Variants in CYP2B6 observed in about 807,000 individuals in gnomAD.
CYP2B6 encodes the protein cytochrome P450 2B6.
Under a neutral mutation model 43.4 loss-of-function variants are expected in CYP2B6, and 35 were observed. The ratio of observed to expected loss-of-function variants is 0.81; its 90% CI spans 0.62 to 1.07. The LOEUF is 1.07. Among genes scored for constraint, CYP2B6 ranks in the 50% least tolerant of loss-of-function variants. The pLI is 0.00. For missense variants in CYP2B6, 624 were observed against 632.8 expected (o/e 0.99, Z 0.15); for synonymous variants, 239 against 239.2 (o/e 1.00, Z 0.01).
chr19:41,000,063 C>G (rs780543125), intron 1 of CYP2B6, among the ~76,000 whole-genome samples: 2 of 152,012 alleles, frequency 1.3e-5, no homozygotes, highest in Non-Finnish European at 2.9e-5. Context: ...TTGTTTTTGT[C>G]GTTGTTATTG....
chr19:41,001,064 C>A lies in CYP2B6; in HGVS notation c.172-2937C>A, dbSNP rs182575435. Among the ~76,000 whole-genome samples the A allele has an allele frequency of 5.3e-5, 8 of 151,900 alleles. No homozygotes were observed. The South Asian group carries it at 8.3e-4, about 16-fold the overall frequency. ...CAAAAAAAACCCAAACAGAAACAAACAAACAAACAAAATTAGTGATAGTGA... is the reference window on the plus strand; with the variant it reads ...CAAAAAAAACCCAAACAGAAACAAAAAAACAAACAAAATTAGTGATAGTGA... On this transcript the variant is annotated intron_variant, in intron 1 of 8. Transcript: ENST00000324071.
At chr19:41,008,357 G>A (rs1293055508) in intron 4 of CYP2B6, among the ~76,000 whole-genome samples, 1 of 144,026 alleles carries the variant, frequency 6.9e-6, no homozygotes, top group Non-Finnish European at 1.5e-5. Context: ...GACTATAGGC[G>A]AGCGCCACCA....
chr19:40,997,657 T>C (rs886627612), intron 1 of CYP2B6, among the ~76,000 whole-genome samples: 19 of 152,166 alleles, frequency 1.2e-4, no homozygotes, highest in Non-Finnish European at 1.5e-5. Context: ...GGTTATCAGT[T>C]AGACACTGTC....
intron 1 of CYP2B6, among the ~76,000 whole-genome samples, chr19:40,997,192 G>A (rs1261474890): frequency 2.2e-4 from 33 of 152,174 alleles, no homozygotes; most frequent in African/African-American, 6.0e-4. Flanking sequence ...GAGAGCAGGA[G>A]AGGAGTGTGG....
rs530919723 is a variant in CYP2B6, at chr19:41,005,906, C to G, written c.485-999C>G. Among the ~76,000 whole-genome samples the G allele has an allele frequency of 6.8e-4, 103 of 152,112 alleles. 1 individual carries two copies. Among genetic ancestry groups the G allele is most frequent in the African/African-American group, 2.4e-3 (98 of 41,482 alleles). On this transcript the variant is annotated intron_variant, in intron 3 of 8. Coordinates refer to ENST00000324071, the MANE Select transcript of CYP2B6 (RefSeq NM_000767.5). The stretch of plus-strand genomic sequence containing the variant: ...AGAGAAAATTAGAGAGACAGACAGA[C>G]AAAGCTTAGGAAAAGGTCTGCAGAG...
chr19:40,999,938 C>T (rs1466306770), intron 1 of CYP2B6, among the ~76,000 whole-genome samples: 2 of 152,146 alleles, frequency 1.3e-5, no homozygotes, highest in East Asian at 1.9e-4. Flanking sequence ...AAGCAATCCT[C>T]CTGCCTCAAC....
At chr19:40,992,323 T>G (rs1446932374) in intron 1 of CYP2B6, among the ~76,000 whole-genome samples, 1 of 152,100 alleles carries the variant, frequency 6.6e-6, no homozygotes, top group African/African-American at 2.4e-5. Context: ...GCCTCAAAAT[T>G]TTGAGATTGA....
chr19:41,005,315 T>C (rs1969160221), intron 3 of CYP2B6, among the ~76,000 whole-genome samples: 1 of 152,094 alleles, frequency 6.6e-6, no homozygotes, highest in African/African-American at 2.4e-5. Flanking sequence ...GCCAGGTGTT[T>C]ACCATCTCTC....
chr19:41,007,253 G>T, intron 4 of CYP2B6, 188 bp downstream of exon 4: 1 of 619,624 alleles, frequency 1.6e-6, no homozygotes, highest in African/African-American at 1.8e-5. Flanking sequence ...TAGAGACACT[G>T]AGAGAGAGAA....
intron 1 of CYP2B6, among the ~76,000 whole-genome samples, chr19:41,002,782 C>G (rs1253833697): frequency 1.3e-5 from 2 of 152,004 alleles, no homozygotes; most frequent in East Asian, 3.9e-4. Flanking sequence ...CTCCTGACCT[C>G]GTGATCAGCC....
Position 41,012,820 on chromosome 19 carries a change from G to A in CYP2B6, c.1294+5G>A. On this transcript the variant is annotated splice_donor_5th_base_variant and intron_variant, in intron 8 of 8. Coordinates refer to ENST00000324071, the MANE Select transcript of CYP2B6 (RefSeq NM_000767.5). The stretch of plus-strand genomic sequence containing the variant: ...CTTTTATCCCCTTCTCCTTAGGTAA[G>A]CTGGACCCACAATTTCTTTCCCAGA... The A allele has an allele frequency of 6.2e-7, 1 of 1,614,100 alleles. No homozygotes were observed. The highest frequency in any genetic ancestry group is 8.5e-7 in the Non-Finnish European group (1 of 1,180,038).
intron 8 of CYP2B6, among the ~76,000 whole-genome samples, chr19:41,016,158 G>C (rs983029644): frequency 2.0e-5 from 3 of 152,084 alleles, no homozygotes; most frequent in African/African-American, 7.2e-5. Flanking sequence ...CACTTTGGGA[G>C]GCCAAGGCAG....
chr19:41,007,028 A>C lies in CYP2B6; in HGVS notation c.608A>C (p.Tyr203Ser), dbSNP rs1245368552. The C allele has an allele frequency of 1.2e-6, 2 of 1,614,090 alleles. No homozygotes were observed. Among genetic ancestry groups the C allele is most frequent in the Non-Finnish European group, 1.7e-6 (2 of 1,180,006 alleles). The stretch of plus-strand genomic sequence containing the variant: ...TTCCTGAAGATGCTGAACTTGTTCT[A>C]CCAGACTTTTTCACTCATCAGCTCT... ...QEFLKMLNLF[Y>S]QTFSLISSVF... Residue 203 changes from tyrosine (Y) to serine (S), a missense_variant, in exon 4 of 9, where the codon TAC (tyrosine) becomes TCC (serine). Transcript: ENST00000324071.
At chr19:40,993,429 A>G (rs1178472097) in intron 1 of CYP2B6, among the ~76,000 whole-genome samples, 4 of 152,150 alleles carry the variant, frequency 2.6e-5, no homozygotes, top group Non-Finnish European at 5.9e-5. Flanking sequence ...TGGAAGGTGA[A>G]GGAGAAGCAA....
intron 8 of CYP2B6, among the ~76,000 whole-genome samples, chr19:41,015,142 G>T (rs1969341951): frequency 6.6e-6 from 1 of 152,190 alleles, no homozygotes; most frequent in Non-Finnish European, 1.5e-5. Context: ...AAAGACAGGA[G>T]TAGGGCTGCC....
chr19:41,011,304 T>C (rs775778471), intron 6 of CYP2B6, among the ~76,000 whole-genome samples: 2 of 152,240 alleles, frequency 1.3e-5, no homozygotes, highest in Non-Finnish European at 2.9e-5. Flanking sequence ...ATTTACTCCT[T>C]TATTTACTCA....
At chr19:41,005,930 A>C (rs1433387628) in intron 3 of CYP2B6, among the ~76,000 whole-genome samples, 6 of 151,730 alleles carry the variant, frequency 4.0e-5, no homozygotes, top group Admixed American at 1.3e-4. Context: ...AGGTCTGCAG[A>C]GGAATGAGAG....
At chr19:41,013,780 A>G (rs1252711055) in intron 8 of CYP2B6, among the ~76,000 whole-genome samples, 1 of 152,216 alleles carries the variant, frequency 6.6e-6, no homozygotes, top group Non-Finnish European at 1.5e-5. Context: ...CTATCTGAAC[A>G]AAGAAACAAT....
In CYP2B6 at chr19:41,009,351, G is replaced by A. The variant is rs755100015; in HGVS notation, c.778G>A (p.Ala260Thr). Residue 260 changes from alanine to threonine, a missense_variant, in exon 5 of 9, where the codon GCC (alanine) becomes ACC (threonine). Physicochemically the swap from Ala to Thr is moderately conservative, Grantham distance 58. Coordinates refer to ENST00000324071, the MANE Select transcript of CYP2B6 (RefSeq NM_000767.5). ...GCACCGTGAAACCCTGGACCCCAGC[G>A]CCCCCAAGGACCTCATCGACACCTA... ...EKHRETLDPS[A>T]PKDLIDTYLL... The A allele has an allele frequency of 7.0e-6, 11 of 1,576,408 alleles. No individual in the cohort carries two copies. In the South Asian group the frequency reaches 7.9e-5, roughly 11 times the overall value.
Sources: allele counts gnomAD v4.1 joint callset (sites outside exome capture counted in the v4.1 genomes callset), GRCh38; gene constraint gnomAD v4.1.1; transcripts MANE v1.5; gene names NCBI Gene and HGNC (gene_info 2026-07-23, HGNC 2026-07-21).